DOCK5: variants seen among roughly 807,000 people sequenced by gnomAD.
DOCK5 encodes the protein dedicator of cytokinesis protein 5.
A neutral mutation model predicts 251.8 loss-of-function variants in DOCK5; 142 were observed. That is an observed-to-expected ratio of 0.56 (90% CI 0.49 to 0.65). The LOEUF is 0.65. Ranked by LOEUF, DOCK5 falls within the 30% of genes least tolerant of loss-of-function variation. The pLI is 0.00. For synonymous variants in DOCK5, 842 were observed against 835.5 expected (o/e 1.01, Z -0.13); for missense variants, 2,111 against 2,312.3 (o/e 0.91, Z 1.79).
intron 40 of DOCK5, among the ~76,000 whole-genome samples, chr8:25,384,455 A>ATTTTTTTTTTTTTTTTTTTTT (rs1294643896): frequency 4.4e-5 from 2 of 45,212 alleles, no homozygotes; most frequent in Non-Finnish European, 9.0e-5. Context: ...TTATTTATTT[A>ATTTTTTTTTTTTTTTTTTTTT]TTTATTTATT....
At chr8:25,312,295 G>C (rs1805120438) in intron 13 of DOCK5, among the ~76,000 whole-genome samples, 1 of 152,170 alleles carries the variant, frequency 6.6e-6, no homozygotes, top group Non-Finnish European at 1.5e-5. Context: ...AAATAAAGTA[G>C]AGAAGTTTAT....
At chr8:25,314,683 T>TCC (rs1805193030) in intron 13 of DOCK5, among the ~76,000 whole-genome samples, 1 of 13,872 alleles carries the variant, frequency 7.2e-5, no homozygotes, top group Non-Finnish European at 2.2e-4. Context: ...TCCATGTATC[T>TCC]ATCCATCCAT....
At chr8:25,186,117 C>T (rs1449712206) in intron 1 of DOCK5, among the ~76,000 whole-genome samples, 2 of 152,166 alleles carry the variant, frequency 1.3e-5, no homozygotes, top group Non-Finnish European at 2.9e-5. Flanking sequence ...AGGGGCTTTT[C>T]AACTCTGTAG....
chr8:25,210,212 G>C (rs1802105048), intron 1 of DOCK5, among the ~76,000 whole-genome samples: 1 of 63,314 alleles, frequency 1.6e-5, no homozygotes, highest in Non-Finnish European at 4.9e-5. Context: ...CCTGCCTTGG[G>C]CTCCCAAAGT....
In DOCK5 at chr8:25,317,028, A is replaced by T; in HGVS notation, c.1340A>T (p.Tyr447Phe). The T allele has an allele frequency of 1.6e-5, 26 of 1,613,924 alleles. No homozygotes were observed. The highest frequency in any genetic ancestry group is 2.2e-5 in the East Asian group (1 of 44,876). The change falls in exon 14 of 52, where the codon TAT becomes TTT. Residue 447 changes from tyrosine (Y) to phenylalanine (F), a missense_variant. Physicochemically the swap from Tyr to Phe is conservative, Grantham distance 22. Coordinates refer to ENST00000276440, the MANE Select transcript of DOCK5 (RefSeq NM_024940.8). ...ILPGDVRNDI[Y>F]VTLIHGEFDK... ...GCAGGAGATGTTCGGAATGACATTT[A>T]TGTCACCCTGATCCACGGTGAGTTT...
chr8:25,398,967 A>G (rs1056486583), intron 45 of DOCK5, among the ~76,000 whole-genome samples: 1 of 152,170 alleles, frequency 6.6e-6, no homozygotes, highest in Non-Finnish European at 1.5e-5. Context: ...ATTCACTTTT[A>G]TAAGTCTGTC....
At chr8:25,202,324 A>T (rs1469068218) in intron 1 of DOCK5, among the ~76,000 whole-genome samples, 1 of 152,138 alleles carries the variant, frequency 6.6e-6, no homozygotes, top group Non-Finnish European at 1.5e-5. Flanking sequence ...ACCCCTGGAA[A>T]ATATTTGAAT....
intron 3 of DOCK5, chr8:25,270,706 G>A: frequency 1.6e-6 from 1 of 630,060 alleles, no homozygotes; most frequent in East Asian, 2.7e-5. Flanking sequence ...ACTACAGTAT[G>A]TAAGGATCCT....
At chr8:25,368,915 A>AT (rs1173198411) in intron 33 of DOCK5, among the ~76,000 whole-genome samples, 190 bp downstream of exon 33, 5 of 152,210 alleles carry the variant, frequency 3.3e-5, no homozygotes, top group African/African-American at 1.2e-4. Context: ...CCTGGAAAAG[A>AT]TTTTTTTGCT....
intron 2 of DOCK5, among the ~76,000 whole-genome samples, chr8:25,264,716 A>G (rs979510826): frequency 6.6e-6 from 1 of 151,832 alleles, no homozygotes; most frequent in African/African-American, 2.4e-5. Flanking sequence ...AATCCCAGCT[A>G]CTGAGAAGGA....
At chr8:25,374,959 G>A (rs111235219) in intron 37 of DOCK5, 2 of 1,213,528 alleles carry the variant, frequency 1.6e-6, no homozygotes, top group African/African-American at 1.6e-5. Flanking sequence ...TTGTAAAACT[G>A]CAGAAAACTG....
chr8:25,210,009 TA>T (rs201922539), intron 1 of DOCK5, among the ~76,000 whole-genome samples: 2,570 of 22,744 alleles, frequency 0.11, 843 homozygotes, highest in African/African-American at 0.23. Context: ...CCCGGCTAAT[TA>T]TATATATATA....
At chr8:25,393,029 G>A (rs1402956402) in intron 44 of DOCK5, 147 bp downstream of exon 44, 1 of 670,778 alleles carries the variant, frequency 1.5e-6, no homozygotes, top group Admixed American at 2.4e-5. Flanking sequence ...TAAAAGGCAT[G>A]CTTATATAAT....
At chr8:25,196,220 A>G (rs1801722328) in intron 1 of DOCK5, among the ~76,000 whole-genome samples, 1 of 152,200 alleles carries the variant, frequency 6.6e-6, no homozygotes, top group Non-Finnish European at 1.5e-5. Context: ...TTATGGAGGA[A>G]GGGGCACTGC....
intron 1 of DOCK5, among the ~76,000 whole-genome samples, chr8:25,213,729 G>A (rs975019574): frequency 1.3e-5 from 2 of 152,184 alleles, no homozygotes; most frequent in African/African-American, 4.8e-5. Context: ...CTCTAATCCT[G>A]ACATCACAAA....
At position 25,325,411 on chromosome 8, in the gene DOCK5, T is replaced by A. The variant is rs1157830152; in HGVS notation, c.1767T>A (p.Pro589=). The change falls in exon 18 of 52, where the codon CCT becomes CCA. Residue 589 remains proline, a synonymous_variant. Transcript: ENST00000276440. ...MEDAKFYLTL[P]GTKMEMEEKE... is the part of the protein sequence containing the mutation. ...ATGCTAAATTCTACCTGACCCTGCCTGGAACCAAGATGGAGATGGAAGAAA... is the reference window on the plus strand; with the variant it reads ...ATGCTAAATTCTACCTGACCCTGCCAGGAACCAAGATGGAGATGGAAGAAA... The A allele has an allele frequency of 1.9e-6, 3 of 1,613,974 alleles. No individual in the cohort carries two copies. The highest frequency in any genetic ancestry group is 2.5e-6 in the Non-Finnish European group (3 of 1,179,862).
At chr8:25,203,781 T>A (rs1357691904) in intron 1 of DOCK5, among the ~76,000 whole-genome samples, 6 of 152,198 alleles carry the variant, frequency 3.9e-5, no homozygotes, top group African/African-American at 1.4e-4. Flanking sequence ...TTCTTTTATT[T>A]GCCTTTTTTC....
chr8:25,284,352 T>A (rs907200568), intron 5 of DOCK5, among the ~76,000 whole-genome samples: 1 of 152,128 alleles, frequency 6.6e-6, no homozygotes, highest in African/African-American at 2.4e-5. Flanking sequence ...TGATTGATAA[T>A]GAGAAGTGTA....
At chr8:25,262,175 G>A (rs75087158) in intron 2 of DOCK5, among the ~76,000 whole-genome samples, 232 of 151,710 alleles carry the variant, frequency 1.5e-3, no homozygotes, top group Non-Finnish European at 2.8e-3. Context: ...CCAGCAATGA[G>A]AGAGAGTTCC....
Sources: allele counts gnomAD v4.1 joint callset (sites outside exome capture counted in the v4.1 genomes callset), GRCh38; gene constraint gnomAD v4.1.1; transcripts MANE v1.5; gene names NCBI Gene and HGNC (gene_info 2026-07-23, HGNC 2026-07-21).